The following TEC variants were observed in gnomAD, a reference collection of about 807,000 sequenced individuals.
The protein encoded by TEC is tyrosine-protein kinase Tec.
In TEC, 72 loss-of-function variants were observed where a neutral mutation model predicts 93.0. That is an observed-to-expected ratio of 0.77 (90% CI 0.64 to 0.94). The LOEUF is 0.94. Ranked by LOEUF, TEC falls within the 40% of genes least tolerant of loss-of-function variation. TEC has a pLI of 0.00. For synonymous variants in TEC, 249 were observed against 247.7 expected, an observed-to-expected ratio of 1.01 and a Z score of -0.05; for missense variants, 630 against 757.9, an observed-to-expected ratio of 0.83 and a Z score of 1.98.
chr4:48,155,321 C>T (rs764690582), intron 9 of TEC, among the ~76,000 whole-genome samples: 2 of 152,222 alleles, frequency 1.3e-5, no homozygotes, highest in Non-Finnish European at 2.9e-5. Flanking sequence ...GCCAGTATAA[C>T]TGCCCAAGCT....
chr4:48,221,311 G>A (rs1396272324), intron 2 of TEC, among the ~76,000 whole-genome samples: 4 of 152,140 alleles, frequency 2.6e-5, no homozygotes, highest in Non-Finnish European at 5.9e-5. Context: ...TCCTGGGGGC[G>A]GTTACCCCCA....
intron 2 of TEC, among the ~76,000 whole-genome samples, chr4:48,228,257 T>C (rs1345187197): frequency 6.6e-6 from 1 of 152,234 alleles, no homozygotes; most frequent in East Asian, 1.9e-4. Context: ...AAAAGTAATG[T>C]AATCTAATAG....
intron 1 of TEC, among the ~76,000 whole-genome samples, chr4:48,255,589 G>C (rs1724320530): frequency 6.6e-6 from 1 of 152,202 alleles, no homozygotes. Flanking sequence ...GGGCACTTGA[G>C]AGAGCTTTGA....
intron 7 of TEC, among the ~76,000 whole-genome samples, chr4:48,167,388 G>A (rs558153036): frequency 5.9e-5 from 9 of 151,792 alleles, no homozygotes; most frequent in Non-Finnish European, 1.0e-4. Context: ...ATACACACAC[G>A]CACATACACA....
chr4:48,205,701 T>C (rs1653539710), intron 2 of TEC, among the ~76,000 whole-genome samples: 1 of 151,964 alleles, frequency 6.6e-6, no homozygotes, highest in African/African-American at 2.4e-5. Context: ...AAATAACAAG[T>C]GTAAAGAAGG....
At chr4:48,176,361 G>A (rs1168490722) in intron 2 of TEC, among the ~76,000 whole-genome samples, 175 bp from the exon 3 acceptor site, 1 of 151,108 alleles carries the variant, frequency 6.6e-6, no homozygotes, top group African/African-American at 2.5e-5. Flanking sequence ...TGTGATTATT[G>A]TAATCAAAAT....
intron 2 of TEC, among the ~76,000 whole-genome samples, chr4:48,217,126 T>A (rs1268672470): frequency 6.6e-6 from 1 of 151,820 alleles, no homozygotes; most frequent in Non-Finnish European, 1.5e-5. Flanking sequence ...TTTCTTGAGA[T>A]GGAGTCTTGC....
chr4:48,186,358 G>A (rs556608793), intron 2 of TEC, among the ~76,000 whole-genome samples: 60 of 149,266 alleles, frequency 4.0e-4, no homozygotes, highest in African/African-American at 1.3e-3. Flanking sequence ...CAGCCGCCCA[G>A]TCTGGGAAGT....
Position 48,137,182 on chromosome 4 carries a change from A to G in TEC, c.*234T>C. 3 of 518,026 alleles carry G rather than the reference A, an allele frequency of 5.8e-6. No homozygotes were observed. In the South Asian group the frequency reaches 7.2e-5, roughly 13 times the overall value. The allele number at this position is 518,026 out of a possible 1,614,324, so 32.1% of individuals were successfully genotyped here. On this transcript the variant is annotated 3_prime_UTR_variant, in exon 18 of 18. Coordinates refer to ENST00000381501, the MANE Select transcript of TEC (RefSeq NM_003215.3). ...ACAACTGTCACTCAAGTGCCTGAGG[A>G]ATGAATAGAAATGAGTGATTTTAAT... is the stretch of plus-strand genomic sequence containing the variant.
intron 10 of TEC, 24 bp from the exon 11 acceptor site, chr4:48,149,714 CA>C: frequency 6.3e-7 from 1 of 1,584,144 alleles, no homozygotes; most frequent in Middle Eastern, 1.7e-4. Context: ...CAAAATGTGT[CA>C]GAACCAAGTT....
In TEC at chr4:48,171,349, A is replaced by C. The variant is rs768669445; in HGVS notation, c.325+19T>G. ...ATCTCCTAAAATTATATACAGAGTAATATTTCATTGAGTTTTACCTTCTTT... is the reference window on the plus strand; with the variant it reads ...ATCTCCTAAAATTATATACAGAGTACTATTTCATTGAGTTTTACCTTCTTT... On this transcript the variant is annotated intron_variant, in intron 4 of 17. Coordinates refer to ENST00000381501, the MANE Select transcript of TEC (RefSeq NM_003215.3). 124 of 1,597,696 alleles carry C rather than the reference A, an allele frequency of 7.8e-5. No individual in the cohort carries two copies. The highest frequency in any genetic ancestry group is 1.0e-4 in the Non-Finnish European group (119 of 1,168,752).
intron 2 of TEC, among the ~76,000 whole-genome samples, chr4:48,226,241 A>G (rs969749006): frequency 6.6e-6 from 1 of 151,484 alleles, no homozygotes; most frequent in African/African-American, 2.4e-5. Flanking sequence ...TTTCATTAGT[A>G]AAAAAATTGC....
chr4:48,168,479 C>T, intron 6 of TEC, 107 bp downstream of exon 6: 1 of 1,201,092 alleles, frequency 8.3e-7, no homozygotes, highest in African/African-American at 1.5e-5. Flanking sequence ...AATTGTGTCA[C>T]ATCAATGAAT....
chr4:48,187,948 TC>T (rs1479988749), intron 2 of TEC, among the ~76,000 whole-genome samples: 11 of 152,206 alleles, frequency 7.2e-5, no homozygotes, highest in Non-Finnish European at 1.3e-4. Flanking sequence ...ACATTTTTCC[TC>T]CCCTTTCTGG....
At chr4:48,180,851 G>A (rs1261787827) in intron 2 of TEC, among the ~76,000 whole-genome samples, 2 of 152,188 alleles carry the variant, frequency 1.3e-5, no homozygotes, top group Non-Finnish European at 2.9e-5. Flanking sequence ...ATGATTAACG[G>A]CAGGTGAAGA....
At position 48,171,364 on chromosome 4, in the gene TEC, T is replaced by G; in HGVS notation, c.325+4A>C. On this transcript the variant is annotated splice_donor_region_variant and intron_variant, in intron 4 of 17. Transcript: ENST00000381501. ...ATACAGAGTAATATTTCATTGAGTT[T>G]TACCTTCTTTTAACTTCTTCACCCA... is the stretch of plus-strand genomic sequence containing the variant. The G allele has an allele frequency of 6.2e-7, 1 of 1,611,316 alleles. No individual in the cohort carries two copies. The highest frequency in any genetic ancestry group is 8.5e-7 in the Non-Finnish European group (1 of 1,178,770).
At chr4:48,185,778 TCCCTC>T (rs1721796318) in intron 2 of TEC, among the ~76,000 whole-genome samples, 2 of 145,616 alleles carry the variant, frequency 1.4e-5, no homozygotes, top group African/African-American at 5.1e-5. Context: ...ATGAAGGCTC[TCCCTC>T]TCCCTCCCCC....
intron 2 of TEC, among the ~76,000 whole-genome samples, chr4:48,189,250 G>A (rs1722006359): frequency 6.6e-6 from 1 of 152,088 alleles, no homozygotes; most frequent in Non-Finnish European, 1.5e-5. Flanking sequence ...CTTGACATTT[G>A]TTATTTTGTA....
Position 48,203,399 on chromosome 4 carries a change from G to A in TEC, c.138+25078C>T, listed in dbSNP as rs75438246. 1.2e-4 allele frequency among the ~76,000 whole-genome samples: 18 copies of A among 152,206 alleles called. No homozygotes were observed. In the East Asian group the frequency reaches 2.7e-3, roughly 23 times the overall value. On this transcript the variant is annotated intron_variant, in intron 2 of 17. Transcript: ENST00000381501. The stretch of plus-strand genomic sequence containing the variant: ...AAAACAAAAACTTGGGGTTTAGACA[G>A]CTCATGGTAGCACCAGTTTGCTCAT...
Sources: allele counts gnomAD v4.1 joint callset (sites outside exome capture counted in the v4.1 genomes callset), GRCh38; gene constraint gnomAD v4.1.1; transcripts MANE v1.5; gene names NCBI Gene and HGNC (gene_info 2026-07-23, HGNC 2026-07-21).